The following GALNTL6 variants were observed in gnomAD, a reference collection of about 807,000 sequenced individuals.
GALNTL6 encodes polypeptide N-acetylgalactosaminyltransferase-like 6.
GALNTL6 carries 46 observed loss-of-function variants against 73.7 expected under a neutral mutation model. The observed-to-expected ratio is 0.62, with a 90% CI of 0.49 to 0.80. GALNTL6 has a LOEUF of 0.80. Among genes scored for constraint, GALNTL6 ranks in the 30% least tolerant of loss-of-function variants. GALNTL6 has a pLI of 0.00. For missense variants in GALNTL6, 604 were observed against 755.0 expected (o/e 0.80, Z 2.34); for synonymous variants, 259 against 263.7 (o/e 0.98, Z 0.17).
At chr4:172,469,843 T>C (rs1192072164) in intron 5 of GALNTL6, among the ~76,000 whole-genome samples, 3 of 152,218 alleles carry the variant, frequency 2.0e-5, no homozygotes, top group Non-Finnish European at 4.4e-5. Context: ...TTTTACATTG[T>C]ACAGCAGTGA....
At chr4:172,159,775 A>T (rs147358342) in intron 2 of GALNTL6, among the ~76,000 whole-genome samples, 1 of 152,316 alleles carries the variant, frequency 6.6e-6, no homozygotes, top group African/African-American at 2.4e-5. Flanking sequence ...GGAGGAAGTA[A>T]TATAATCATA....
At chr4:171,817,392 T>C (rs1300083003) in intron 2 of GALNTL6, among the ~76,000 whole-genome samples, 1 of 151,886 alleles carries the variant, frequency 6.6e-6, no homozygotes, top group Non-Finnish European at 1.5e-5. Flanking sequence ...GGCTAATTCT[T>C]TTAAAATATA....
intron 2 of GALNTL6, among the ~76,000 whole-genome samples, chr4:171,822,595 ATAACCT>A (rs1560801755): frequency 6.6e-6 from 1 of 152,200 alleles, no homozygotes; most frequent in African/African-American, 2.4e-5. Context: ...AAGGTAGTAA[ATAACCT>A]TAAATATTGT....
chr4:172,305,295 G>A (rs758556684), intron 3 of GALNTL6, among the ~76,000 whole-genome samples: 1 of 151,970 alleles, frequency 6.6e-6, no homozygotes, highest in Non-Finnish European at 1.5e-5. Context: ...AGTATACATA[G>A]TATCAAAGAC....
chr4:172,011,220 T>G (rs970529601), intron 2 of GALNTL6, among the ~76,000 whole-genome samples: 2 of 152,086 alleles, frequency 1.3e-5, no homozygotes, highest in African/African-American at 4.8e-5. Flanking sequence ...CAAATTATCA[T>G]ACAGAATTAT....
chr4:172,456,048 C>T (rs1019763889), intron 5 of GALNTL6, among the ~76,000 whole-genome samples: 2 of 152,164 alleles, frequency 1.3e-5, no homozygotes, highest in Non-Finnish European at 2.9e-5. Flanking sequence ...TGGTGATACT[C>T]AGGTAAACAG....
At chr4:172,220,122 G>A (rs2110945915) in intron 2 of GALNTL6, among the ~76,000 whole-genome samples, 1 of 151,790 alleles carries the variant, frequency 6.6e-6, no homozygotes, top group Non-Finnish European at 1.5e-5. Flanking sequence ...AATAACATAA[G>A]AAGATCTCAT....
At chr4:171,961,336 C>T (rs1739212832) in intron 2 of GALNTL6, among the ~76,000 whole-genome samples, 1 of 152,122 alleles carries the variant, frequency 6.6e-6, no homozygotes, top group African/African-American at 2.4e-5. Flanking sequence ...TTCTGACAGG[C>T]CCAGGAGCCA....
intron 3 of GALNTL6, among the ~76,000 whole-genome samples, chr4:172,292,870 C>T (rs1325019317): frequency 6.6e-6 from 1 of 152,190 alleles, no homozygotes; most frequent in Middle Eastern, 3.4e-3. Flanking sequence ...TTGCATATTT[C>T]AGTTGTCTGT....
chr4:171,997,369 T>C (rs1202745465), intron 2 of GALNTL6, among the ~76,000 whole-genome samples: 1 of 152,036 alleles, frequency 6.6e-6, no homozygotes, highest in Non-Finnish European at 1.5e-5. Context: ...CCCATTCTCC[T>C]TGATTTACGA....
intron 5 of GALNTL6, among the ~76,000 whole-genome samples, chr4:172,433,030 C>T (rs1248968662): frequency 1.3e-5 from 2 of 152,068 alleles, no homozygotes; most frequent in Non-Finnish European, 2.9e-5. Flanking sequence ...AAAATAATTA[C>T]AAAAGAGCAA....
chr4:172,754,339 G>A (rs1737615419), intron 5 of GALNTL6, among the ~76,000 whole-genome samples: 1 of 152,174 alleles, frequency 6.6e-6, no homozygotes, highest in African/African-American at 2.4e-5. Context: ...GGAAGGCCAA[G>A]GTGGTTGGAT....
intron 5 of GALNTL6, among the ~76,000 whole-genome samples, chr4:172,775,343 TAAG>T (rs745878381): frequency 3.3e-5 from 5 of 152,202 alleles, no homozygotes; most frequent in Non-Finnish European, 4.4e-5. Context: ...TTTCTATACC[TAAG>T]AAGATTTACT....
intron 2 of GALNTL6, among the ~76,000 whole-genome samples, chr4:171,957,193 C>T (rs1378859615): frequency 6.6e-6 from 1 of 152,144 alleles, no homozygotes; most frequent in African/African-American, 2.4e-5. Context: ...AGATTTATGG[C>T]TTAGTGTAGT....
intron 5 of GALNTL6, among the ~76,000 whole-genome samples, chr4:172,409,035 T>A (rs1463810730): frequency 6.6e-6 from 1 of 152,092 alleles, no homozygotes; most frequent in Non-Finnish European, 1.5e-5. Flanking sequence ...TATTTTCAGT[T>A]CTAAAATATT....
chr4:171,925,865 G>A (rs1044922766), intron 2 of GALNTL6, among the ~76,000 whole-genome samples: 4 of 152,054 alleles, frequency 2.6e-5, no homozygotes. Context: ...TAAATAATTA[G>A]ATGAACAGAA....
chr4:172,126,038 A>C (rs1306289121), intron 2 of GALNTL6, among the ~76,000 whole-genome samples: 1 of 151,450 alleles, frequency 6.6e-6, no homozygotes, highest in African/African-American at 2.4e-5. Context: ...ACACTTAAAA[A>C]CTTCTTTTCT....
chr4:172,849,842 T>C (rs1560991494), intron 7 of GALNTL6, among the ~76,000 whole-genome samples: 1 of 152,104 alleles, frequency 6.6e-6, no homozygotes, highest in African/African-American at 2.4e-5. Context: ...GAAAAACAGG[T>C]TAGGTACAGC....
chr4:171,975,601 C>T (rs114551356), intron 2 of GALNTL6, among the ~76,000 whole-genome samples: 3,143 of 151,862 alleles, frequency 0.021, 42 homozygotes, highest in Non-Finnish European at 0.034. Flanking sequence ...AAAGCAAAAG[C>T]AAAAGAAAGT....
Sources: allele counts gnomAD v4.1 joint callset (sites outside exome capture counted in the v4.1 genomes callset), GRCh38; gene constraint gnomAD v4.1.1; transcripts MANE v1.5; gene names NCBI Gene and HGNC (gene_info 2026-07-23, HGNC 2026-07-21).